MARCHF1: variants seen among roughly 807,000 people sequenced by gnomAD.
The protein encoded by MARCHF1 is membrane associated ring-CH-type finger 1.
MARCHF1 carries 40 observed loss-of-function variants against 54.2 expected under a neutral mutation model. The observed-to-expected ratio is 0.74, with a 90% CI of 0.57 to 0.96. The LOEUF is 0.96. Ranked by LOEUF, MARCHF1 falls within the 40% of genes least tolerant of loss-of-function variation. MARCHF1 has a pLI of 0.00. For synonymous variants in MARCHF1, 236 were observed against 236.3 expected, an observed-to-expected ratio of 1.00 and a Z score of 0.01; for missense variants, 586 against 656.5, an observed-to-expected ratio of 0.89 and a Z score of 1.17.
chr4:164,068,186 G>T (rs112194632), intron 2 of MARCHF1, among the ~76,000 whole-genome samples: 8 of 152,174 alleles, frequency 5.3e-5, no homozygotes, highest in African/African-American at 9.6e-5. Context: ...ACTTAAAACC[G>T]AGCTACCATT....
intron 1 of MARCHF1, among the ~76,000 whole-genome samples, chr4:164,115,430 T>C (rs1422843382): frequency 6.6e-6 from 1 of 152,114 alleles, no homozygotes; most frequent in Non-Finnish European, 1.5e-5. Context: ...AAGGCAAATG[T>C]GTTCAGAAGA....
intron 4 of MARCHF1, among the ~76,000 whole-genome samples, chr4:163,716,564 C>A (rs1020162697): frequency 2.1e-4 from 32 of 152,190 alleles, no homozygotes; most frequent in African/African-American, 7.5e-4. Flanking sequence ...TAATACACGC[C>A]TTTTGCCGAG....
chr4:164,235,654 T>C (rs759505635), intron 1 of MARCHF1, among the ~76,000 whole-genome samples: 2 of 152,102 alleles, frequency 1.3e-5, no homozygotes, highest in Admixed American at 6.6e-5. Flanking sequence ...AAAGACTGTA[T>C]GTGCTCACTT....
chr4:163,750,031 T>C (rs1371777248), intron 4 of MARCHF1, among the ~76,000 whole-genome samples: 1 of 151,770 alleles, frequency 6.6e-6, no homozygotes, highest in Non-Finnish European at 1.5e-5. Context: ...ATCGTGCCAT[T>C]GCACTCCAGC....
At chr4:164,351,557 T>A (rs911056674) in intron 1 of MARCHF1, among the ~76,000 whole-genome samples, 5 of 152,160 alleles carry the variant, frequency 3.3e-5, no homozygotes, top group African/African-American at 1.2e-4. Context: ...CAGTCCTGTC[T>A]GTTAGAAGGA....
At chr4:164,057,650 T>C (rs974645996) in intron 2 of MARCHF1, among the ~76,000 whole-genome samples, 2 of 152,086 alleles carry the variant, frequency 1.3e-5, no homozygotes, top group Non-Finnish European at 2.9e-5. Flanking sequence ...AGAGGTAACT[T>C]TGAAAATAGA....
At chr4:163,751,277 C>T (rs1746512396) in intron 4 of MARCHF1, among the ~76,000 whole-genome samples, 1 of 152,014 alleles carries the variant, frequency 6.6e-6, no homozygotes, top group Non-Finnish European at 1.5e-5. Context: ...AAGCAAATCT[C>T]CTGCCTTAGT....
At chr4:163,615,465 A>T (rs563841979) in intron 5 of MARCHF1, among the ~76,000 whole-genome samples, 1 of 152,214 alleles carries the variant, frequency 6.6e-6, no homozygotes, top group East Asian at 1.9e-4. Flanking sequence ...ATCAAAAGAG[A>T]AATCCCATTT....
At chr4:164,096,437 G>A (rs1425613760) in intron 2 of MARCHF1, among the ~76,000 whole-genome samples, 1 of 151,962 alleles carries the variant, frequency 6.6e-6, no homozygotes, top group African/African-American at 2.4e-5. Flanking sequence ...AGGAAGGAGG[G>A]AAAGGGCTGA....
chr4:164,312,127 G>C (rs1178036773), intron 1 of MARCHF1, among the ~76,000 whole-genome samples: 1 of 151,922 alleles, frequency 6.6e-6, no homozygotes, highest in East Asian at 1.9e-4. Flanking sequence ...ATCAGCTCTC[G>C]TATCTTCCAA....
chr4:163,663,632 C>G (rs536858148), intron 5 of MARCHF1, among the ~76,000 whole-genome samples: 1 of 152,066 alleles, frequency 6.6e-6, no homozygotes, highest in South Asian at 2.1e-4. Context: ...ATGACTAACC[C>G]AAGAGTGAGC....
At chr4:163,945,315 C>T (rs1560830600) in intron 3 of MARCHF1, among the ~76,000 whole-genome samples, 1 of 152,082 alleles carries the variant, frequency 6.6e-6, no homozygotes, top group East Asian at 1.9e-4. Flanking sequence ...CGAGTCAATA[C>T]TACAAGGAGA....
At chr4:163,750,658 G>T (rs1251478960) in intron 4 of MARCHF1, among the ~76,000 whole-genome samples, 1 of 152,096 alleles carries the variant, frequency 6.6e-6, no homozygotes, top group Non-Finnish European at 1.5e-5. Flanking sequence ...CTCCTCCAGA[G>T]AATAACAAAG....
chr4:163,836,681 T>C (rs964039465), intron 4 of MARCHF1, among the ~76,000 whole-genome samples: 12 of 146,640 alleles, frequency 8.2e-5, no homozygotes, highest in African/African-American at 3.0e-4. Flanking sequence ...AGAGGGTCCA[T>C]CTGGCCAAAG....
chr4:164,314,790 A>G (rs1487786679), intron 1 of MARCHF1, among the ~76,000 whole-genome samples: 3 of 152,080 alleles, frequency 2.0e-5, no homozygotes, highest in African/African-American at 4.8e-5. Flanking sequence ...TCAAATCTCT[A>G]CTGTACGTCA....
intron 4 of MARCHF1, among the ~76,000 whole-genome samples, chr4:163,845,337 G>C (rs1437583263): frequency 2.0e-5 from 3 of 151,860 alleles, no homozygotes; most frequent in African/African-American, 7.3e-5. Flanking sequence ...CAAAGACAAG[G>C]CTAATCTGTC....
At chr4:164,109,186 T>C (rs1755776076) in intron 2 of MARCHF1, among the ~76,000 whole-genome samples, 1 of 152,062 alleles carries the variant, frequency 6.6e-6, no homozygotes, top group African/African-American at 2.4e-5. Flanking sequence ...TTACAGAATG[T>C]AAAATAGTAA....
intron 2 of MARCHF1, among the ~76,000 whole-genome samples, chr4:164,027,122 T>C (rs998524866): frequency 2.0e-5 from 3 of 151,868 alleles, no homozygotes; most frequent in Non-Finnish European, 4.4e-5. Context: ...GCTCATGGAT[T>C]GGAAAAATCA....
chr4:164,111,552 T>C (rs996840866), intron 2 of MARCHF1, 36 bp downstream of exon 2: 7 of 151,830 alleles, frequency 4.6e-5, no homozygotes, highest in African/African-American at 1.4e-4. Flanking sequence ...AAGTCTTCTT[T>C]ATTTAAAGAA....
Sources: allele counts gnomAD v4.1 joint callset (sites outside exome capture counted in the v4.1 genomes callset), GRCh38; gene constraint gnomAD v4.1.1; transcripts MANE v1.5; gene names NCBI Gene and HGNC (gene_info 2026-07-23, HGNC 2026-07-21).